Variants in PCDHA1 observed in about 807,000 individuals in gnomAD.
The protein encoded by PCDHA1 is protocadherin alpha 1.
A neutral mutation model predicts 61.3 loss-of-function variants in PCDHA1; 42 were observed. That is an observed-to-expected ratio of 0.69 (90% CI 0.54 to 0.89). PCDHA1 has a LOEUF of 0.89. PCDHA1 is among the 40% of genes least tolerant of loss of function. The probability of loss-of-function intolerance (pLI) is 0.00; values close to 1 mark genes in which losing one functional copy is unlikely to be tolerated. For synonymous variants in PCDHA1, 610 were observed against 553.8 expected (o/e 1.10, Z -1.43); for missense variants, 1,256 against 1,235.3 (o/e 1.02, Z -0.25).
chr5:140,924,752 G>A (rs970314481), intron 1 of PCDHA1, among the ~76,000 whole-genome samples: 5 of 151,648 alleles, frequency 3.3e-5, no homozygotes, highest in South Asian at 2.1e-4. Context: ...AAAATTAACC[G>A]AGCATGGTGG....
intron 1 of PCDHA1, chr5:140,857,557 G>A: frequency 6.3e-7 from 1 of 1,596,936 alleles, no homozygotes; most frequent in Non-Finnish European, 8.6e-7. Flanking sequence ...AGCGCTCGCT[G>A]TCGAGCTACG....
In PCDHA1 at chr5:140,787,712, C is replaced by T; in HGVS notation, c.1422C>T (p.Ile474=). ...VKENNPPGCH[I]FTVSARDADA... Reference sequence around the variant, plus strand: ...AGAACAACCCGCCGGGCTGCCACATCTTCACGGTGTCTGCGCGGGACGCGG... The same window carrying T: ...AGAACAACCCGCCGGGCTGCCACATTTTCACGGTGTCTGCGCGGGACGCGG... Residue 474 remains isoleucine, a synonymous_variant, in exon 1 of 4, where the codon ATC becomes ATT. Coordinates refer to ENST00000504120, the MANE Select transcript of PCDHA1 (RefSeq NM_018900.4). 3.1e-6 allele frequency: 5 copies of T among 1,613,840 alleles called. No individual in the cohort carries two copies. The highest frequency in any genetic ancestry group is 1.7e-5 in the Admixed American group (1 of 60,028).
chr5:140,870,016 G>A (rs1554163708), intron 1 of PCDHA1: 1 of 1,613,448 alleles, frequency 6.2e-7, no homozygotes, highest in Non-Finnish European at 8.5e-7. Flanking sequence ...GAGGGTCAAT[G>A]GAACTTTAGA....
chr5:140,874,360 A>T (rs2054861600), intron 1 of PCDHA1, among the ~76,000 whole-genome samples: 2 of 152,234 alleles, frequency 1.3e-5, no homozygotes. Context: ...TGAATTAATG[A>T]ATAAACTCAT....
At chr5:140,900,494 C>G (rs2068089293) in intron 1 of PCDHA1, among the ~76,000 whole-genome samples, 1 of 152,202 alleles carries the variant, frequency 6.6e-6, no homozygotes, top group Admixed American at 6.5e-5. Context: ...TCAGACTGGT[C>G]TCAAATTCCC....
intron 1 of PCDHA1, among the ~76,000 whole-genome samples, chr5:140,840,240 T>A (rs1483870006): frequency 1.3e-5 from 2 of 152,050 alleles, no homozygotes; most frequent in Non-Finnish European, 2.9e-5. Context: ...GGAGAATCAC[T>A]ATGCTATAAA....
chr5:140,967,800 TGGCA>T, intron 1 of PCDHA1: 1 of 1,614,174 alleles, frequency 6.2e-7, no homozygotes, highest in Non-Finnish European at 8.5e-7. Context: ...CCAGTGCCCA[TGGCA>T]GGTCACTGCA....
intron 3 of PCDHA1, among the ~76,000 whole-genome samples, chr5:141,006,206 AT>A (rs1178693799): frequency 1.4e-5 from 2 of 147,854 alleles, no homozygotes. Flanking sequence ...GTTATGCCTC[AT>A]TTTTTTTTAA....
intron 1 of PCDHA1, chr5:140,854,223 C>A: frequency 1.1e-5 from 7 of 631,586 alleles, no homozygotes; most frequent in Non-Finnish European, 1.2e-5. Flanking sequence ...TGGACATCTA[C>A]ATTGGGATAT....
intron 3 of PCDHA1, among the ~76,000 whole-genome samples, chr5:140,999,039 T>C (rs1554256567): frequency 6.6e-6 from 1 of 152,214 alleles, no homozygotes; most frequent in Admixed American, 6.5e-5. Flanking sequence ...CTTCGTCCAG[T>C]GTGCTTTCCA....
intron 1 of PCDHA1, among the ~76,000 whole-genome samples, chr5:140,933,379 G>A (rs1403607512): frequency 6.6e-6 from 1 of 151,928 alleles, no homozygotes; most frequent in East Asian, 1.9e-4. Flanking sequence ...TTCCTTGGCT[G>A]TTCCTAGAGC....
rs2150417290 is a variant in PCDHA1 at position 140,848,687 on chromosome 5, C to G, written c.2394+60003C>G. 1.9e-3 allele frequency: 2,953 copies of G among 1,592,340 alleles called. 211 individuals are homozygous for G. The African/African-American group carries it at 0.035, about 19-fold the overall frequency. The stretch of plus-strand genomic sequence containing the variant: ...TGGCGGAGCTGGTGCCGCGCCTGTT[C>G]CAGTTGGATTCCAAAGGCCGCGGGG... On this transcript the variant is annotated intron_variant, in intron 1 of 3. Transcript: ENST00000504120.
At chr5:140,884,388 T>C in intron 1 of PCDHA1, 1 of 1,613,960 alleles carries the variant, frequency 6.2e-7, no homozygotes, top group Non-Finnish European at 8.5e-7. Flanking sequence ...ATCTGCGCGG[T>C]GTCCAGCCTG....
At chr5:140,821,957 G>T (rs112376305) in intron 1 of PCDHA1, 3 of 1,614,186 alleles carry the variant, frequency 1.9e-6, no homozygotes, top group Non-Finnish European at 2.5e-6. Context: ...CTGGTGCCGC[G>T]CCTGTTCCGG....
chr5:140,969,184 C>A (rs1381646688), intron 1 of PCDHA1: 1 of 1,613,998 alleles, frequency 6.2e-7, no homozygotes, highest in Non-Finnish European at 8.5e-7. Flanking sequence ...GTGACACTTT[C>A]ATGTTTTACA....
chr5:140,836,043 T>A (rs147222848), intron 1 of PCDHA1: 18 of 1,613,268 alleles, frequency 1.1e-5, no homozygotes, highest in Non-Finnish European at 1.5e-5. Flanking sequence ...GCTGCAGGTG[T>A]TCGTGCTGGA....
At chr5:140,829,239 G>A (rs2150164534) in intron 1 of PCDHA1, 2 of 1,614,238 alleles carry the variant, frequency 1.2e-6, no homozygotes, top group East Asian at 2.2e-5. Context: ...GGTGCCAACG[G>A]GCAGGTGAAC....
chr5:140,877,511 C>T (rs1582389090), intron 1 of PCDHA1: 2 of 1,613,808 alleles, frequency 1.2e-6, no homozygotes, highest in Non-Finnish European at 1.7e-6. Context: ...AAGACGTCGT[C>T]GCGGGCCTCA....
At chr5:140,899,574 C>T (rs890849786) in intron 1 of PCDHA1, among the ~76,000 whole-genome samples, 2 of 152,112 alleles carry the variant, frequency 1.3e-5, no homozygotes, top group African/African-American at 4.8e-5. Context: ...CTGCTGGATT[C>T]GGTTTGCCAG....
Sources: gnomAD v4.1 joint callset for allele counts (sites outside exome capture counted in the v4.1 genomes callset) on GRCh38, gnomAD v4.1.1 for gene constraint, MANE v1.5 for transcripts, NCBI Gene and HGNC (gene_info 2026-07-23, HGNC 2026-07-21) for gene names.